Variants in FHIT observed in about 807,000 individuals in gnomAD.
FHIT encodes bis(5'-adenosyl)-triphosphatase.
A neutral mutation model predicts 17.9 loss-of-function variants in FHIT; 19 were observed. That is an observed-to-expected ratio of 1.06 (90% CI 0.74 to 1.56). The LOEUF (loss-of-function observed/expected upper bound fraction) is 1.56, where lower values mean the gene tolerates loss of function less well. FHIT is among the 40% of genes most tolerant of loss of function. The pLI, the probability that FHIT is intolerant of heterozygous loss-of-function variation, is 0.00. For synonymous variants in FHIT, 81 were observed against 69.7 expected (o/e 1.16, Z -0.81); for missense variants, 248 against 189.2 (o/e 1.31, Z -1.82).
intron 4 of FHIT, among the ~76,000 whole-genome samples, chr3:60,787,072 C>T (rs1198773933): frequency 2.6e-5 from 4 of 151,554 alleles, no homozygotes; most frequent in Non-Finnish European, 5.9e-5. Context: ...TATTTTACTC[C>T]TTATTGTGTG....
intron 8 of FHIT, among the ~76,000 whole-genome samples, chr3:59,754,381 C>CCTTT (rs111686327): frequency 2.0e-5 from 3 of 152,192 alleles, no homozygotes; most frequent in African/African-American, 7.2e-5. Context: ...GAAGTCATTT[C>CCTTT]CTTTCTTGCA....
chr3:59,818,826 T>C (rs1700693761), intron 8 of FHIT, among the ~76,000 whole-genome samples: 1 of 152,114 alleles, frequency 6.6e-6, no homozygotes, highest in Non-Finnish European at 1.5e-5. Flanking sequence ...AGACAGGTCT[T>C]CCCCAAGGCA....
chr3:61,158,922 G>A (rs1576123578), intron 2 of FHIT, among the ~76,000 whole-genome samples: 1 of 152,160 alleles, frequency 6.6e-6, no homozygotes, highest in East Asian at 1.9e-4. Flanking sequence ...CTCCACTGCT[G>A]CAACAAAGGT....
intron 5 of FHIT, among the ~76,000 whole-genome samples, chr3:60,282,709 T>C (rs1436627735): frequency 6.6e-6 from 1 of 152,110 alleles, no homozygotes; most frequent in Non-Finnish European, 1.5e-5. Context: ...AGGAAAATGT[T>C]ATGGTAAGTC....
intron 4 of FHIT, among the ~76,000 whole-genome samples, chr3:60,705,167 T>C (rs950467593): frequency 6.6e-6 from 1 of 152,100 alleles, no homozygotes; most frequent in Non-Finnish European, 1.5e-5. Context: ...ATTTTTACAC[T>C]GCATTACAAT....
At chr3:60,500,694 A>G (rs2034487719) in intron 5 of FHIT, among the ~76,000 whole-genome samples, 1 of 145,750 alleles carries the variant, frequency 6.9e-6, no homozygotes. Context: ...AATTGCTTGA[A>G]CCCGGGAGGC....
chr3:60,133,546 G>A (rs1014820950), intron 5 of FHIT, among the ~76,000 whole-genome samples: 1 of 152,012 alleles, frequency 6.6e-6, no homozygotes, highest in African/African-American at 2.4e-5. Context: ...AGAAGTGTGG[G>A]AGGCCCCTGT....
chr3:61,068,072 G>A (rs1001445334), intron 2 of FHIT, among the ~76,000 whole-genome samples: 1 of 152,116 alleles, frequency 6.6e-6, no homozygotes, highest in Non-Finnish European at 1.5e-5. Flanking sequence ...GGTGAGGCCT[G>A]AGAATTTGCA....
In FHIT at chr3:60,861,200, A is replaced by C. The variant is rs781838687; in HGVS notation, c.-110-39189T>G. 7.2e-3 allele frequency among the ~76,000 whole-genome samples: 28 copies of C among 3,874 alleles called. 3 individuals carry two copies. Among genetic ancestry groups the C allele is most frequent in the Admixed American group, 0.01 (2 of 198 alleles). 2.5% of individuals were successfully genotyped at this position (3,874 alleles called of 152,430 possible). On this transcript the variant is annotated intron_variant, in intron 3 of 9. Coordinates refer to ENST00000492590, the MANE Select transcript of FHIT (RefSeq NM_002012.4). The stretch of plus-strand genomic sequence containing the variant: ...ATGATATATATGATATATATCATAT[A>C]TGATATATATGATATATATGATATA...
At chr3:60,343,758 A>G (rs1011025358) in intron 5 of FHIT, among the ~76,000 whole-genome samples, 3 of 148,728 alleles carry the variant, frequency 2.0e-5, no homozygotes, top group Non-Finnish European at 4.4e-5. Context: ...TCTGTCCACA[A>G]CAAGAGATTA....
Position 60,750,147 on chromosome 3 carries a change from T to A in FHIT, c.-18+71772A>T, listed in dbSNP as rs115175919. Among the ~76,000 whole-genome samples, 233 of 152,020 alleles carry A rather than the reference T, an allele frequency of 1.5e-3. 1 individual carries two copies. The highest frequency in any genetic ancestry group is 5.5e-3 in the African/African-American group (229 of 41,452). ...GACAGGACTGTGGGATGGAGGGCAA[T>A]GGAGGAAGAGTTTTCAGGAGTGCAT... On this transcript the variant is annotated intron_variant, in intron 4 of 9. Transcript: ENST00000492590.
At chr3:60,621,537 A>T (rs572020472) in intron 4 of FHIT, among the ~76,000 whole-genome samples, 1 of 152,062 alleles carries the variant, frequency 6.6e-6, no homozygotes, top group African/African-American at 2.4e-5. Context: ...ATCATTCTGA[A>T]ATTTGGACAG....
chr3:60,567,341 CA>C (rs200567553), intron 4 of FHIT, among the ~76,000 whole-genome samples: 11,115 of 151,452 alleles, frequency 0.073, 522 homozygotes, highest in South Asian at 0.11. Context: ...ACAAACCTGA[CA>C]AAAGAAACGG....
intron 3 of FHIT, among the ~76,000 whole-genome samples, chr3:61,008,917 G>A (rs1044928798): frequency 5.3e-5 from 8 of 152,054 alleles, no homozygotes; most frequent in South Asian, 2.1e-4. Flanking sequence ...GTGTGTGTGC[G>A]GAAAACTGGC....
At chr3:59,957,326 G>C (rs767632864) in intron 7 of FHIT, among the ~76,000 whole-genome samples, 4 of 152,244 alleles carry the variant, frequency 2.6e-5, no homozygotes, top group Non-Finnish European at 5.9e-5. Context: ...TGTGAAGATA[G>C]AGCAAGAAGG....
At chr3:60,654,073 T>A (rs1404170717) in intron 4 of FHIT, among the ~76,000 whole-genome samples, 23 of 147,064 alleles carry the variant, frequency 1.6e-4, no homozygotes, top group African/African-American at 5.8e-4. Flanking sequence ...GCTTCCCCAC[T>A]CTCTCTCCCT....
At chr3:61,236,547 C>T (rs1391062705) in intron 1 of FHIT, among the ~76,000 whole-genome samples, 1 of 152,124 alleles carries the variant, frequency 6.6e-6, no homozygotes, top group Non-Finnish European at 1.5e-5. Flanking sequence ...AAGTGCTCTA[C>T]CCAGGTCACA....
chr3:60,857,440 T>G lies in FHIT; in HGVS notation c.-110-35429A>C, dbSNP rs1203000489. 2.0e-5 allele frequency among the ~76,000 whole-genome samples: 3 copies of G among 152,144 alleles called. No homozygotes were observed. The East Asian group carries it at 5.8e-4, about 29-fold the overall frequency. On this transcript the variant is annotated intron_variant, in intron 3 of 9. Coordinates refer to ENST00000492590, the MANE Select transcript of FHIT (RefSeq NM_002012.4). ...CAGCTGTGTGAGGTGATATAATCCC[T>G]CTAATCCCTATAAACCTTAGTTTCC...
intron 5 of FHIT, among the ~76,000 whole-genome samples, chr3:60,022,102 CACAGGACACATGT>C (rs1217505770): frequency 2.0e-5 from 3 of 152,184 alleles, no homozygotes; most frequent in Non-Finnish European, 1.5e-5. Flanking sequence ...TAGAACACTA[CACAGGACACATGT>C]TTCAGAGGAT....
Sources: gnomAD v4.1 joint callset for allele counts (sites outside exome capture counted in the v4.1 genomes callset) on GRCh38, gnomAD v4.1.1 for gene constraint, MANE v1.5 for transcripts, NCBI Gene and HGNC (gene_info 2026-07-23, HGNC 2026-07-21) for gene names.